Variants in THSD4 observed in about 807,000 individuals in gnomAD.
THSD4 encodes thrombospondin type-1 domain-containing protein 4.
THSD4 carries 69 observed loss-of-function variants against 119.0 expected under a neutral mutation model. The observed-to-expected ratio is 0.58, with a 90% CI of 0.48 to 0.71. The LOEUF is 0.71. Among genes scored for constraint, THSD4 ranks in the 30% least tolerant of loss-of-function variants. THSD4 has a pLI of 0.00. For missense variants in THSD4, 1,393 were observed against 1,391.1 expected, an observed-to-expected ratio of 1.00 and a Z score of -0.02; for synonymous variants, 524 against 540.4, an observed-to-expected ratio of 0.97 and a Z score of 0.42.
chr15:71,655,420 A>C (rs1408473258), intron 7 of THSD4, among the ~76,000 whole-genome samples: 1 of 152,204 alleles, frequency 6.6e-6, no homozygotes, highest in East Asian at 1.9e-4. Context: ...GAAGTAGTAG[A>C]AAGTGTTACA....
chr15:71,167,716 T>C (rs2043307464), intron 3 of THSD4, among the ~76,000 whole-genome samples: 1 of 152,228 alleles, frequency 6.6e-6, no homozygotes, highest in African/African-American at 2.4e-5. Context: ...AAACCATTTA[T>C]GGTAAATTCT....
At chr15:71,389,965 C>A (rs942600049) in intron 6 of THSD4, among the ~76,000 whole-genome samples, 2 of 151,914 alleles carry the variant, frequency 1.3e-5, no homozygotes, top group Non-Finnish European at 2.9e-5. Flanking sequence ...CCACCACACC[C>A]AGCTAATTTT....
intron 1 of THSD4, among the ~76,000 whole-genome samples, chr15:71,097,753 ACT>A (rs1432666244): frequency 2.0e-5 from 3 of 148,570 alleles, no homozygotes; most frequent in Non-Finnish European, 3.0e-5. Flanking sequence ...TCCAAAGCAA[ACT>A]CTTTCCTGAT....
chr15:71,566,222 C>A (rs566830960), intron 7 of THSD4, among the ~76,000 whole-genome samples: 26 of 148,026 alleles, frequency 1.8e-4, no homozygotes, highest in Non-Finnish European at 3.9e-4. Context: ...TATTCTATAA[C>A]AATGCGTGGT....
intron 7 of THSD4, among the ~76,000 whole-genome samples, chr15:71,537,172 C>G (rs1047350643): frequency 1.3e-5 from 2 of 152,182 alleles, no homozygotes; most frequent in Non-Finnish European, 2.9e-5. Context: ...TCACTTCTTT[C>G]CACCATCCCA....
At chr15:71,452,038 G>A (rs1265871284) in intron 7 of THSD4, among the ~76,000 whole-genome samples, 2 of 152,150 alleles carry the variant, frequency 1.3e-5, no homozygotes, top group Non-Finnish European at 2.9e-5. Flanking sequence ...ACTAGCTCAA[G>A]CTCAAGCTCC....
At chr15:71,431,722 C>A (rs2046944952) in intron 7 of THSD4, among the ~76,000 whole-genome samples, 1 of 152,158 alleles carries the variant, frequency 6.6e-6, no homozygotes, top group Non-Finnish European at 1.5e-5. Context: ...TACACTGTTA[C>A]TTCCCAGACC....
At chr15:71,244,497 G>C (rs909104226) in intron 5 of THSD4, among the ~76,000 whole-genome samples, 3 of 152,148 alleles carry the variant, frequency 2.0e-5, no homozygotes, top group Admixed American at 1.3e-4. Context: ...TTGAATGCCT[G>C]GGTTGCTTTT....
At chr15:71,237,618 A>G (rs996089907) in intron 4 of THSD4, among the ~76,000 whole-genome samples, 2 of 152,180 alleles carry the variant, frequency 1.3e-5, no homozygotes, top group East Asian at 1.9e-4. Context: ...GCTGGATTTT[A>G]GTGAGACCCC....
intron 7 of THSD4, among the ~76,000 whole-genome samples, chr15:71,605,769 G>T (rs1049355402): frequency 3.3e-5 from 5 of 152,184 alleles, no homozygotes; most frequent in Non-Finnish European, 7.4e-5. Context: ...AGAGCTTCAG[G>T]TTGGAGATGT....
At chr15:71,527,708 CTTTTTTT>C (rs10635101) in intron 7 of THSD4, among the ~76,000 whole-genome samples, 5 of 79,748 alleles carry the variant, frequency 6.3e-5, no homozygotes, top group Non-Finnish European at 1.2e-4. Flanking sequence ...TGTTTATCCT[CTTTTTTT>C]TTTTTTTTTT....
intron 3 of THSD4, among the ~76,000 whole-genome samples, chr15:71,211,379 G>T (rs2043887110): frequency 6.6e-6 from 1 of 152,152 alleles, no homozygotes; most frequent in Non-Finnish European, 1.5e-5. Flanking sequence ...CCTGGTGAGG[G>T]TTCTCTTCCT....
At chr15:71,494,505 A>G (rs1595824944) in intron 7 of THSD4, among the ~76,000 whole-genome samples, 1 of 152,314 alleles carries the variant, frequency 6.6e-6, no homozygotes, top group East Asian at 1.9e-4. Context: ...AGTCTGTATT[A>G]TATACAATGT....
At position 71,771,107 on chromosome 15, in the gene THSD4, G is replaced by A. The variant is rs201430314; in HGVS notation, c.2813G>A (p.Arg938Gln). The stretch of plus-strand genomic sequence containing the variant: ...GGTGGCTTTCGGGTCCGGGAAGTGC[G>A]GTGTCTGTCTGATGACATGACTCTA... ...CQGGFRVREVRCLSDDMTLSN... is the reference protein window; with the variant it reads ...CQGGFRVREVQCLSDDMTLSN... Residue 938 changes from arginine to glutamine, a missense_variant, in exon 17 of 18, where the codon CGG (arginine) becomes CAG (glutamine). By Grantham distance (43) the Arg-to-Gln change is conservative. Coordinates refer to ENST00000261862, the MANE Select transcript of THSD4 (RefSeq NM_024817.3). The A allele has an allele frequency of 1.8e-4, 288 of 1,614,066 alleles. No homozygotes were observed. Among genetic ancestry groups the A allele is most frequent in the African/African-American group, 5.2e-4 (39 of 74,918 alleles).
chr15:71,388,200 C>G (rs1344871778), intron 6 of THSD4, among the ~76,000 whole-genome samples: 1 of 152,210 alleles, frequency 6.6e-6, no homozygotes, highest in Admixed American at 6.5e-5. Flanking sequence ...TTTTAACACT[C>G]TTGAGGGCTT....
chr15:71,436,375 C>T (rs2047013326), intron 7 of THSD4, among the ~76,000 whole-genome samples: 1 of 152,158 alleles, frequency 6.6e-6, no homozygotes, highest in Non-Finnish European at 1.5e-5. Context: ...ACCAGAGCTG[C>T]TATACTCAAT....
chr15:71,685,926 A>C (rs914541574), intron 8 of THSD4, among the ~76,000 whole-genome samples: 2 of 152,348 alleles, frequency 1.3e-5, no homozygotes, highest in East Asian at 3.9e-4. Flanking sequence ...TTTCAGATAT[A>C]CTTTTCCAAG....
intron 7 of THSD4, chr15:71,547,208 T>G: frequency 7.4e-7 from 1 of 1,353,538 alleles, no homozygotes; most frequent in East Asian, 2.9e-5. Context: ...AGTTATTACA[T>G]GAAGAGATCA....
intron 7 of THSD4, among the ~76,000 whole-genome samples, chr15:71,636,435 A>G (rs747761998): frequency 6.6e-6 from 1 of 152,136 alleles, no homozygotes; most frequent in Non-Finnish European, 1.5e-5. Context: ...AAAAAAGAAA[A>G]AGGAAAAGAA....
Sources: allele counts gnomAD v4.1 joint callset (sites outside exome capture counted in the v4.1 genomes callset), GRCh38; gene constraint gnomAD v4.1.1; transcripts MANE v1.5; gene names NCBI Gene and HGNC (gene_info 2026-07-23, HGNC 2026-07-21).